Variants in PEX7 observed in about 807,000 individuals in gnomAD.
PEX7 encodes peroxisomal biogenesis factor 7.
A neutral mutation model predicts 47.5 loss-of-function variants in PEX7; 34 were observed. That is an observed-to-expected ratio of 0.72 (90% CI 0.54 to 0.95). PEX7 has a LOEUF of 0.95. Ranked by LOEUF, PEX7 falls within the 40% of genes least tolerant of loss-of-function variation. The pLI, the probability that PEX7 is intolerant of heterozygous loss-of-function variation, is 0.00. For synonymous variants in PEX7, 141 were observed against 148.8 expected, an observed-to-expected ratio of 0.95 and a Z score of 0.38; for missense variants, 394 against 400.3, an observed-to-expected ratio of 0.98 and a Z score of 0.13.
intron 8 of PEX7, among the ~76,000 whole-genome samples, chr6:136,882,180 T>C (rs1210161959): frequency 1.4e-5 from 2 of 144,460 alleles, no homozygotes; most frequent in African/African-American, 5.1e-5. Context: ...TTCTTCTTTT[T>C]TTTTTTTTTT....
intron 5 of PEX7, among the ~76,000 whole-genome samples, chr6:136,846,977 A>G (rs915017221): frequency 1.3e-5 from 2 of 152,220 alleles, no homozygotes; most frequent in African/African-American, 2.4e-5. Context: ...AAGTGTTCCT[A>G]TTTCTCCACA....
intron 8 of PEX7, among the ~76,000 whole-genome samples, chr6:136,872,521 T>C (rs1775201590): frequency 6.6e-6 from 1 of 152,192 alleles, no homozygotes; most frequent in African/African-American, 2.4e-5. Context: ...GGTAACACTT[T>C]CCTACACTAT....
intron 9 of PEX7, chr6:136,901,493 G>A (rs1310439371): frequency 6.6e-6 from 1 of 152,318 alleles, no homozygotes; most frequent in African/African-American, 2.4e-5. Context: ...TGTGTCTGGT[G>A]GATAGTGCTG....
At chr6:136,894,514 C>T (rs964742299) in intron 8 of PEX7, among the ~76,000 whole-genome samples, 12 of 152,148 alleles carry the variant, frequency 7.9e-5, no homozygotes, top group African/African-American at 2.2e-4. Flanking sequence ...TGCTTGAACC[C>T]GGGAGGCAGA....
chr6:136,888,712 TTATAAA>T (rs1775508308), intron 8 of PEX7, among the ~76,000 whole-genome samples: 1 of 152,194 alleles, frequency 6.6e-6, no homozygotes, highest in Non-Finnish European at 1.5e-5. Context: ...AAGTACATGT[TTATAAA>T]TATAAGTGAA....
chr6:136,906,620 G>T (rs1775849213), intron 9 of PEX7, among the ~76,000 whole-genome samples: 1 of 152,000 alleles, frequency 6.6e-6, no homozygotes, highest in Non-Finnish European at 1.5e-5. Flanking sequence ...TGGAATAAAT[G>T]GACAGACATA....
Position 136,866,747 on chromosome 6 carries a change from CT to C in PEX7, c.633+15del. On this transcript the variant is annotated intron_variant, in intron 6 of 9. Transcript: ENST00000318471. ...AAATACAATGAGGTATAGTGTATGG[CT>C]CTATCCTATGCTGCTGTCCTTCCTA... 3 of 1,579,226 alleles carry C rather than the reference CT, an allele frequency of 1.9e-6. No homozygotes were observed. Among genetic ancestry groups the C allele is most frequent in the Non-Finnish European group, 2.6e-6 (3 of 1,148,440 alleles).
chr6:136,847,921 TA>T lies in PEX7; in HGVS notation c.526+1743del, dbSNP rs1774659031. Among the ~76,000 whole-genome samples, 4 of 152,360 alleles carry T rather than the reference TA, an allele frequency of 2.6e-5. No homozygotes were observed. The South Asian group carries it at 8.3e-4, about 32-fold the overall frequency. On this transcript the variant is annotated intron_variant, in intron 5 of 9. Transcript: ENST00000318471. Reference sequence around the variant, plus strand: ...CTTGATGGGGATGGCATTGAATCTATAAATTACCTTGGGCAGTATGGCCATT... The same window carrying T: ...CTTGATGGGGATGGCATTGAATCTATAATTACCTTGGGCAGTATGGCCATT...
intron 8 of PEX7, among the ~76,000 whole-genome samples, chr6:136,877,490 A>G (rs1385437166): frequency 6.6e-6 from 1 of 152,178 alleles, no homozygotes; most frequent in Admixed American, 6.5e-5. Context: ...TAATTTTTGT[A>G]TAAGGTGTAA....
At chr6:136,901,394 T>G (rs1775751443) in intron 9 of PEX7, 1 of 152,252 alleles carries the variant, frequency 6.6e-6, no homozygotes, top group Non-Finnish European at 1.5e-5. Flanking sequence ...CTAGCAGTTC[T>G]TCTTTTGGTC....
chr6:136,890,851 C>G (rs1775541001), intron 8 of PEX7, among the ~76,000 whole-genome samples: 1 of 152,152 alleles, frequency 6.6e-6, no homozygotes, highest in African/African-American at 2.4e-5. Flanking sequence ...GTGAAATGCT[C>G]TTTTGCTCTA....
At chr6:136,834,066 G>GT (rs1158197947) in intron 3 of PEX7, among the ~76,000 whole-genome samples, 1 of 152,230 alleles carries the variant, frequency 6.6e-6, no homozygotes, top group Admixed American at 6.5e-5. Context: ...TTGAAAAGAG[G>GT]TATCTAGAAG....
chr6:136,867,625 A>G (rs1038067425), intron 6 of PEX7, among the ~76,000 whole-genome samples: 1 of 151,604 alleles, frequency 6.6e-6, no homozygotes, highest in Non-Finnish European at 1.5e-5. Flanking sequence ...GTCAAAAAGT[A>G]AAAAAAGCCA....
rs542362765 is a variant in PEX7, at chr6:136,843,449, A to C, written c.340-2166A>C. Reference sequence around the variant, plus strand: ...TTACAAATAAAGTTTTTTTGGAATCAAGCCATGCGCATTCATTCGGTATTG... The same window carrying C: ...TTACAAATAAAGTTTTTTTGGAATCCAGCCATGCGCATTCATTCGGTATTG... On this transcript the variant is annotated intron_variant, in intron 3 of 9. Coordinates refer to ENST00000318471, the MANE Select transcript of PEX7 (RefSeq NM_000288.4). 3.9e-5 allele frequency among the ~76,000 whole-genome samples: 6 copies of C among 152,312 alleles called. 1 individual carries two copies. The highest frequency in any genetic ancestry group is 1.4e-4 in the African/African-American group (6 of 41,568).
At chr6:136,836,404 G>A (rs1393603668) in intron 3 of PEX7, among the ~76,000 whole-genome samples, 1 of 152,062 alleles carries the variant, frequency 6.6e-6, no homozygotes, top group African/African-American at 2.4e-5. Context: ...GACCAGAATG[G>A]AAATAAGATT....
chr6:136,847,061 G>T (rs1461897163), intron 5 of PEX7, among the ~76,000 whole-genome samples: 1 of 152,184 alleles, frequency 6.6e-6, no homozygotes, highest in Non-Finnish European at 1.5e-5. Flanking sequence ...GTATCTCATT[G>T]TGGTTTTGAT....
At chr6:136,908,438 T>C (rs1375582551) in intron 9 of PEX7, among the ~76,000 whole-genome samples, 1 of 151,390 alleles carries the variant, frequency 6.6e-6, no homozygotes, top group Non-Finnish European at 1.5e-5. Flanking sequence ...TGACAAACCA[T>C]TTTTTTTTCT....
At chr6:136,905,851 A>G (rs1299690142) in intron 9 of PEX7, among the ~76,000 whole-genome samples, 1 of 152,180 alleles carries the variant, frequency 6.6e-6, no homozygotes, top group Non-Finnish European at 1.5e-5. Flanking sequence ...AGTTGATTGC[A>G]TTTCGGGGCC....
intron 3 of PEX7, among the ~76,000 whole-genome samples, chr6:136,835,071 C>T (rs946188493): frequency 3.9e-5 from 6 of 151,930 alleles, no homozygotes; most frequent in African/African-American, 1.5e-4. Flanking sequence ...TCCCAAGTAT[C>T]TGGGCTAACA....
Sources: allele counts gnomAD v4.1 joint callset (sites outside exome capture counted in the v4.1 genomes callset), GRCh38; gene constraint gnomAD v4.1.1; transcripts MANE v1.5; gene names NCBI Gene and HGNC (gene_info 2026-07-23, HGNC 2026-07-21).